DCHS2: variants seen among roughly 807,000 people sequenced by gnomAD.
DCHS2 encodes dachsous cadherin-related 2.
DCHS2 carries 142 observed loss-of-function variants against 182.4 expected under a neutral mutation model. The ratio of observed to expected loss-of-function variants is 0.78; its 90% CI spans 0.68 to 0.89. The LOEUF is 0.89. DCHS2 is among the 40% of genes least tolerant of loss of function. DCHS2 has a pLI of 0.00. For missense variants in DCHS2, 4,319 were observed against 4,198.6 expected, an observed-to-expected ratio of 1.03 and a Z score of -0.79; for synonymous variants, 1,740 against 1,663.3, an observed-to-expected ratio of 1.05 and a Z score of -1.12.
intron 9 of DCHS2, among the ~76,000 whole-genome samples, chr4:154,319,523 A>G (rs1735975471): frequency 6.6e-6 from 1 of 152,022 alleles, no homozygotes; most frequent in Non-Finnish European, 1.5e-5. Flanking sequence ...AGACTTGAAT[A>G]GAAACATCTC....
chr4:154,472,621 A>C (rs146628181), intron 1 of DCHS2, among the ~76,000 whole-genome samples: 1 of 152,364 alleles, frequency 6.6e-6, no homozygotes, highest in Non-Finnish European at 1.5e-5. Context: ...AAACGTCTAC[A>C]ATTAAGTTCA....
At chr4:154,325,424 TAA>T (rs1736242166) in intron 7 of DCHS2, among the ~76,000 whole-genome samples, 1 of 150,018 alleles carries the variant, frequency 6.7e-6, no homozygotes. Flanking sequence ...CACCCCAAAA[TAA>T]GACAGGAAAA....
At chr4:154,423,150 A>T (rs1733179598) in intron 1 of DCHS2, among the ~76,000 whole-genome samples, 1 of 152,172 alleles carries the variant, frequency 6.6e-6, no homozygotes, top group Admixed American at 6.6e-5. Flanking sequence ...AAATTTTAGA[A>T]GTTTTCATCA....
At chr4:154,399,449 T>G (rs896977554) in intron 1 of DCHS2, among the ~76,000 whole-genome samples, 1 of 152,182 alleles carries the variant, frequency 6.6e-6, no homozygotes, top group Non-Finnish European at 1.5e-5. Flanking sequence ...GCCTCACTGG[T>G]GACCCCAACA....
At chr4:154,403,792 A>G (rs75690668) in intron 1 of DCHS2, among the ~76,000 whole-genome samples, 2,716 of 152,304 alleles carry the variant, frequency 0.018, 32 homozygotes, top group Non-Finnish European at 0.028. Flanking sequence ...TTAAGTAGAT[A>G]CAGAGCTATT....
intron 1 of DCHS2, among the ~76,000 whole-genome samples, chr4:154,420,785 C>T (rs1385509954): frequency 1.3e-5 from 2 of 152,150 alleles, no homozygotes; most frequent in Admixed American, 1.3e-4. Context: ...AATGTTTTTC[C>T]AGATACCTGG....
intron 1 of DCHS2, among the ~76,000 whole-genome samples, chr4:154,390,555 C>T (rs990109541): frequency 1.3e-5 from 2 of 151,976 alleles, no homozygotes; most frequent in African/African-American, 2.4e-5. Flanking sequence ...AGCCCAAATA[C>T]ACCTACATCA....
chr4:154,272,776 A>G (rs1733659547), intron 13 of DCHS2, among the ~76,000 whole-genome samples: 2 of 152,140 alleles, frequency 1.3e-5, no homozygotes, highest in South Asian at 4.1e-4. Flanking sequence ...ATTGATTGGT[A>G]TTATCAATCT....
rs200042662 is a variant in DCHS2 at position 154,236,008 on chromosome 4, G to T, written c.8644C>A (p.Gln2882Lys). 8.4e-4 allele frequency: 1,356 copies of T among 1,613,942 alleles called. 18 individuals carry two copies. The South Asian group carries it at 0.013, about 15-fold the overall frequency. Residue 2882 changes from glutamine to lysine, a missense_variant, in exon 20 of 20, where the codon CAA becomes AAA. Coordinates refer to ENST00000357232, the MANE Select transcript of DCHS2 (RefSeq NM_001358235.2). ...GGGAGGGTGAAAAAATACTGATCTT[G>T]AGTGAAAATGGGCTCAAATTCATCT... ...GIDEFEPIFT[Q>K]DQYFFTLPEK...
At position 154,305,112 on chromosome 4, in the gene DCHS2, C is replaced by T. The variant is rs374085013; in HGVS notation, c.5380G>A (p.Val1794Ile). The change falls in exon 11 of 20, where the codon GTC (valine) becomes ATC (isoleucine). Residue 1794 changes from valine (V) to isoleucine (I), a missense_variant. Val to Ile is a conservative substitution (Grantham distance 29). Transcript: ENST00000357232. ...AATCCCTTACCTCGAAGGGTGAAGA[C>T]TTCTTGAATTTCTCTGTCAAGTATG... Reference protein sequence around the residue: ...TTILDREIQEVFTLRVLVRDG... With the variant: ...TTILDREIQEIFTLRVLVRDG... 1 of 1,610,340 alleles carries T rather than the reference C, an allele frequency of 6.2e-7. No individual in the cohort carries two copies. The highest frequency in any genetic ancestry group is 1.1e-5 in the South Asian group (1 of 89,446).
At chr4:154,303,322 A>G (rs1469200130) in intron 12 of DCHS2, among the ~76,000 whole-genome samples, 1 of 152,058 alleles carries the variant, frequency 6.6e-6, no homozygotes, top group Non-Finnish European at 1.5e-5. Context: ...TCTATCAAAT[A>G]CTTTTAAAAG....
rs1373619987 is a variant in DCHS2, at chr4:154,355,220, A to C, written c.2476+10990T>G. 3.3e-5 allele frequency among the ~76,000 whole-genome samples: 5 copies of C among 152,128 alleles called. No homozygotes were observed. The East Asian group carries it at 9.7e-4, about 29-fold the overall frequency. ...TCTGCTGATAAACAGGATGCCATAA[A>C]GAAGCAGGCCAAAACCCACCAAGAC... On this transcript the variant is annotated intron_variant, in intron 3 of 19. Coordinates refer to ENST00000357232, the MANE Select transcript of DCHS2 (RefSeq NM_001358235.2).
intron 1 of DCHS2, chr4:154,391,353 C>T: frequency 6.5e-7 from 1 of 1,539,820 alleles, no homozygotes; most frequent in East Asian, 2.4e-5. Flanking sequence ...CTGGCATGAA[C>T]CCTTTCCTTG....
At chr4:154,246,767 A>T (rs2111122367) in intron 16 of DCHS2, among the ~76,000 whole-genome samples, 1 of 152,220 alleles carries the variant, frequency 6.6e-6, no homozygotes, top group Admixed American at 6.5e-5. Flanking sequence ...TCAATTTTTA[A>T]TTAGAAAATA....
chr4:154,250,569 C>T (rs1337470025), intron 16 of DCHS2, among the ~76,000 whole-genome samples: 1 of 152,172 alleles, frequency 6.6e-6, no homozygotes, highest in Non-Finnish European at 1.5e-5. Context: ...ATCTGTTCCT[C>T]TCCCTTCCTT....
In DCHS2 at chr4:154,321,121, C is replaced by T. The variant is rs1255977645; in HGVS notation, c.4278G>A (p.Lys1426=). Residue 1426 remains lysine (K), a synonymous_variant, in exon 9 of 20, where the codon AAG becomes AAA. Transcript: ENST00000357232. ...LKPTKIMSLI[K]SSDHLQQHYN... ...AATGTTGTTGAAGGTGATCAGATGACTTTATCAAGCTCATTATTTTTGTGG... is the reference window on the plus strand; with the variant it reads ...AATGTTGTTGAAGGTGATCAGATGATTTTATCAAGCTCATTATTTTTGTGG... 2 of 1,602,048 alleles carry T rather than the reference C, an allele frequency of 1.2e-6. No homozygotes were observed. The highest frequency in any genetic ancestry group is 1.7e-6 in the Non-Finnish European group (2 of 1,171,828).
At chr4:154,274,400 A>C (rs1733736885) in intron 13 of DCHS2, among the ~76,000 whole-genome samples, 1 of 152,136 alleles carries the variant, frequency 6.6e-6, no homozygotes, top group Non-Finnish European at 1.5e-5. Context: ...CCCTTTTGGC[A>C]CTTAGATTGT....
At chr4:154,287,608 G>C (rs2111251475) in intron 13 of DCHS2, among the ~76,000 whole-genome samples, 1 of 152,172 alleles carries the variant, frequency 6.6e-6, no homozygotes, top group South Asian at 2.1e-4. Flanking sequence ...TGCTTTCCAA[G>C]TAGCTGAGAT....
intron 16 of DCHS2, among the ~76,000 whole-genome samples, chr4:154,243,860 T>C (rs1337704440): frequency 6.6e-6 from 1 of 152,180 alleles, no homozygotes; most frequent in African/African-American, 2.4e-5. Flanking sequence ...ATCCACCCTC[T>C]ATATTGCGCT....
Sources: gnomAD v4.1 joint callset for allele counts (sites outside exome capture counted in the v4.1 genomes callset) on GRCh38, gnomAD v4.1.1 for gene constraint, MANE v1.5 for transcripts, NCBI Gene and HGNC (gene_info 2026-07-23, HGNC 2026-07-21) for gene names.